Variants in CCDC39 observed in about 807,000 individuals in gnomAD.
CCDC39 encodes coiled-coil domain-containing protein 39.
A neutral mutation model predicts 121.0 loss-of-function variants in CCDC39; 113 were observed. The ratio of observed to expected loss-of-function variants is 0.93; its 90% CI spans 0.80 to 1.09. CCDC39 has a LOEUF of 1.09. CCDC39 is among the 50% of genes least tolerant of loss of function. The pLI, the probability that CCDC39 is intolerant of heterozygous loss-of-function variation, is 0.00. For synonymous variants in CCDC39, 349 were observed against 352.2 expected, an observed-to-expected ratio of 0.99 and a Z score of 0.10; for missense variants, 1,063 against 1,074.7, an observed-to-expected ratio of 0.99 and a Z score of 0.15.
intron 12 of CCDC39, among the ~76,000 whole-genome samples, chr3:180,643,763 G>C (rs1718012120): frequency 1.3e-5 from 2 of 152,138 alleles, no homozygotes; most frequent in South Asian, 4.1e-4. Context: ...TGTACATGTA[G>C]TACTATTTAC....
At position 180,676,627 on chromosome 3, in the gene CCDC39, G is replaced by A. The variant is rs62292375; in HGVS notation, c.90+2664C>T. Among the ~76,000 whole-genome samples the A allele has an allele frequency of 8.3e-4, 126 of 152,272 alleles. 1 individual carries two copies. The highest frequency in any genetic ancestry group is 1.5e-3 in the Non-Finnish European group (105 of 68,036). ...AGAACTAGAAATACCATTTGACCCA[G>A]CCATCCCATTACTGGGTATATACCC... is the stretch of plus-strand genomic sequence containing the variant. On this transcript the variant is annotated intron_variant, in intron 1 of 19. Coordinates refer to ENST00000476379, the MANE Select transcript of CCDC39 (RefSeq NM_181426.2).
At chr3:180,677,019 A>T (rs1712230504) in intron 1 of CCDC39, among the ~76,000 whole-genome samples, 3 of 150,716 alleles carry the variant, frequency 2.0e-5, no homozygotes, top group African/African-American at 7.3e-5. Flanking sequence ...GCGGGGAGGG[A>T]TAGCATTAGG....
At chr3:180,617,965 C>T (rs1243461400) in intron 16 of CCDC39, 1 of 153,078 alleles carries the variant, frequency 6.5e-6, no homozygotes, top group Non-Finnish European at 1.5e-5. Flanking sequence ...GGTAAGTGCC[C>T]TGTACAGGTG....
At chr3:180,631,082 C>T (rs183705184) in intron 14 of CCDC39, among the ~76,000 whole-genome samples, 53 of 152,168 alleles carry the variant, frequency 3.5e-4, no homozygotes, top group African/African-American at 9.2e-4. Context: ...AAAAAGATTA[C>T]GAATCTTGCC....
At chr3:180,671,395 A>G (rs1469913252) in intron 1 of CCDC39, among the ~76,000 whole-genome samples, 1 of 152,096 alleles carries the variant, frequency 6.6e-6, no homozygotes, top group African/African-American at 2.4e-5. Flanking sequence ...ACCTGTTTTC[A>G]AGTATCCCTG....
intron 1 of CCDC39, among the ~76,000 whole-genome samples, chr3:180,670,201 T>G (rs1292730267): frequency 6.6e-6 from 1 of 152,018 alleles, no homozygotes; most frequent in Non-Finnish European, 1.5e-5. Flanking sequence ...TTTTTGCCCA[T>G]GACAACCACT....
At chr3:180,656,044 T>C (rs758903621) in intron 6 of CCDC39, among the ~76,000 whole-genome samples, 2 of 152,220 alleles carry the variant, frequency 1.3e-5, no homozygotes, top group Non-Finnish European at 2.9e-5. Flanking sequence ...GCATATTAAA[T>C]GGCTACACAT....
intron 10 of CCDC39, among the ~76,000 whole-genome samples, chr3:180,647,579 G>A (rs534181540): frequency 1.3e-5 from 2 of 152,074 alleles, no homozygotes; most frequent in African/African-American, 4.8e-5. Context: ...TTATCTAAGG[G>A]ATACAAAACA....
chr3:180,643,868 T>C (rs1037830415), intron 12 of CCDC39, among the ~76,000 whole-genome samples: 1 of 152,162 alleles, frequency 6.6e-6, no homozygotes, highest in Non-Finnish European at 1.5e-5. Flanking sequence ...TAGAAAGCCT[T>C]CAAAAATGTT....
chr3:180,656,539 C>T (rs918361056), intron 6 of CCDC39, among the ~76,000 whole-genome samples: 25 of 152,052 alleles, frequency 1.6e-4, no homozygotes, highest in Admixed American at 4.6e-4. Flanking sequence ...AATATGCTAC[C>T]GTCAGAGGCA....
chr3:180,674,266 T>C (rs563863629), intron 1 of CCDC39, among the ~76,000 whole-genome samples: 1 of 152,302 alleles, frequency 6.6e-6, no homozygotes, highest in South Asian at 2.1e-4. Context: ...CACTCATGAT[T>C]TGGCTCTCTG....
At chr3:180,654,132 C>T (rs1229952658) in intron 7 of CCDC39, among the ~76,000 whole-genome samples, 6 of 135,746 alleles carry the variant, frequency 4.4e-5, no homozygotes, top group African/African-American at 1.6e-4. Flanking sequence ...ATATGATCAA[C>T]TAATTTTCAG....
chr3:180,622,527 G>A (rs1054199845), intron 14 of CCDC39, among the ~76,000 whole-genome samples: 8 of 152,080 alleles, frequency 5.3e-5, no homozygotes, highest in African/African-American at 1.4e-4. Context: ...TTCCCCATTC[G>A]ATACGATGTT....
chr3:180,678,658 A>G (rs1576958198), intron 1 of CCDC39, among the ~76,000 whole-genome samples: 1 of 145,138 alleles, frequency 6.9e-6, no homozygotes, highest in Non-Finnish European at 1.5e-5. Context: ...CCGGCCTGCA[A>G]TTTTTTTTTT....
At chr3:180,642,343 A>G in intron 12 of CCDC39, 142 bp from the exon 13 acceptor site, 1 of 446,918 alleles carries the variant, frequency 2.2e-6, no homozygotes, top group Non-Finnish European at 3.9e-6. Context: ...TAGGCCTAAA[A>G]TTGATCATAG....
At chr3:180,679,489 CG>C (rs1712335180), upstream of CCDC39, 3 of 1,043,352 alleles carry the variant, frequency 2.9e-6, no homozygotes, top group East Asian at 4.7e-5. The surrounding 1 kb of genome is among the most constrained non-coding windows in gnomAD (Gnocchi z 4.0). Context: ...CGGCAATTGC[CG>C]GGGGAGCCCT....
intron 9 of CCDC39, among the ~76,000 whole-genome samples, chr3:180,650,560 A>G (rs1281827819): frequency 6.6e-6 from 1 of 152,130 alleles, no homozygotes; most frequent in Non-Finnish European, 1.5e-5. Flanking sequence ...TGGGGGAGCT[A>G]CTTTTTTAAA....
chr3:180,663,961 GCT>G lies in CCDC39; in HGVS notation c.114_115del (p.Arg38SerfsTer6). 3.1e-6 allele frequency: 5 copies of G among 1,611,668 alleles called. No homozygotes were observed. The highest frequency in any genetic ancestry group is 4.2e-6 in the Non-Finnish European group (5 of 1,179,060). On this transcript the variant is annotated frameshift_variant, in exon 2 of 20. Transcript: ENST00000476379. LOFTEE classifies it high-confidence loss of function. ...CTCACGTAACTCATCTTGCAAGCTT[GCT>G]CTTTCATCCTTCAGCTTTGACAACT... is the stretch of plus-strand genomic sequence containing the variant.
Position 180,642,077 on chromosome 3 carries a change from T to C in CCDC39, c.1790A>G (p.Glu597Gly). ...AACCTTGATTTCTTCAGTTCGCTCT[T>C]CCATTGCTGTGTATAATTGCTGTTT... ...KRKQQLYTAM[E>G]ERTEEIKVHK... Residue 597 changes from glutamate (E) to glycine (G), a missense_variant, in exon 13 of 20, where the codon GAA becomes GGA. Coordinates refer to ENST00000476379, the MANE Select transcript of CCDC39 (RefSeq NM_181426.2). 6.2e-7 allele frequency: 1 copy of C among 1,612,656 alleles called. No homozygotes were observed. The highest frequency in any genetic ancestry group is 2.2e-5 in the East Asian group (1 of 44,820).
Sources: gnomAD v4.1 joint callset for allele counts (sites outside exome capture counted in the v4.1 genomes callset) on GRCh38, gnomAD v4.1.1 for gene constraint, Gnocchi (gnomAD v3.1) non-coding constraint, MANE v1.5 for transcripts, NCBI Gene and HGNC (gene_info 2026-07-23, HGNC 2026-07-21) for gene names.